TBC1D32: variants seen among roughly 807,000 people sequenced by gnomAD.
TBC1D32 encodes the protein protein broad-minded.
A neutral mutation model predicts 170.3 loss-of-function variants in TBC1D32; 151 were observed. That is an observed-to-expected ratio of 0.89 (90% CI 0.78 to 1.01). The LOEUF is 1.01. Ranked by LOEUF, TBC1D32 falls within the 50% of genes least tolerant of loss-of-function variation. The pLI is 0.00. For missense variants in TBC1D32, 1,464 were observed against 1,457.1 expected, an observed-to-expected ratio of 1.00 and a Z score of -0.08; for synonymous variants, 498 against 488.0, an observed-to-expected ratio of 1.02 and a Z score of -0.27.
intron 30 of TBC1D32, among the ~76,000 whole-genome samples, chr6:121,093,561 T>C (rs1488378670): frequency 2.0e-5 from 3 of 152,168 alleles, no homozygotes; most frequent in Admixed American, 1.3e-4. Context: ...CACTCAATTG[T>C]TAGTTTCAGG....
At chr6:121,086,326 T>C (rs928834985) in intron 31 of TBC1D32, among the ~76,000 whole-genome samples, 3 of 152,078 alleles carry the variant, frequency 2.0e-5, no homozygotes, top group African/African-American at 7.2e-5. Flanking sequence ...AATCAAGTAA[T>C]ATAAGGACAA....
At chr6:121,129,450 T>C (rs1301066306) in intron 25 of TBC1D32, among the ~76,000 whole-genome samples, 1 of 152,182 alleles carries the variant, frequency 6.6e-6, no homozygotes. Context: ...TCATTGTAAG[T>C]TGAAAAGCAT....
At chr6:121,128,874 A>G (rs1781133997) in intron 25 of TBC1D32, among the ~76,000 whole-genome samples, 1 of 152,162 alleles carries the variant, frequency 6.6e-6, no homozygotes, top group Non-Finnish European at 1.5e-5. Context: ...CCAAACAGAT[A>G]GTACTCAGAA....
At chr6:121,303,546 A>G in intron 9 of TBC1D32, 71 bp downstream of exon 9, 4 of 1,215,042 alleles carry the variant, frequency 3.3e-6, no homozygotes, top group Non-Finnish European at 4.4e-6. Flanking sequence ...CACAGTATTC[A>G]AACATTAACT....
rs969809229 is a variant in TBC1D32 at position 121,157,450 on chromosome 6, T to C, written c.2773+2560A>G. Among the ~76,000 whole-genome samples the C allele has an allele frequency of 4.6e-5, 7 of 152,188 alleles. No individual in the cohort carries two copies. The East Asian group carries it at 5.8e-4, about 13-fold the overall frequency. ...AGCAGACAGTTGGGTCTTATCTTTT[T>C]ATCCAGCTTGCCACTCTATGCTTTT... On this transcript the variant is annotated intron_variant, in intron 24 of 31. Transcript: ENST00000398212.
chr6:121,260,291 T>C (rs1184360148), intron 15 of TBC1D32, among the ~76,000 whole-genome samples: 2 of 151,428 alleles, frequency 1.3e-5, no homozygotes, highest in African/African-American at 4.9e-5. Flanking sequence ...AAAAAGAAAA[T>C]ATGACAGATT....
In TBC1D32 at chr6:121,299,327, C is replaced by T. The variant is rs368392539; in HGVS notation, c.1140+119G>A. 6.1e-5 allele frequency: 70 copies of T among 1,140,572 alleles called. 1 individual carries two copies. The highest frequency in any genetic ancestry group is 4.1e-4 in the South Asian group (27 of 66,050). 70.7% of individuals were successfully genotyped at this position (1,140,572 alleles called of 1,614,324 possible). A position where few individuals can be genotyped will look rare whatever the true frequency, so the allele number is the denominator to read the frequency against. ...TGGTAGTTTAAGATCACATAAAAGG[C>T]GAATTGCTTCATTATCCAATATTAA... On this transcript the variant is annotated intron_variant, in intron 10 of 31. Coordinates refer to ENST00000398212, the MANE Select transcript of TBC1D32 (RefSeq NM_152730.6).
At chr6:121,271,309 G>C (rs985022117) in intron 15 of TBC1D32, among the ~76,000 whole-genome samples, 15 of 152,156 alleles carry the variant, frequency 9.9e-5, no homozygotes, top group African/African-American at 3.6e-4. Context: ...ATTAGGAAAA[G>C]AGGAAGTCAA....
chr6:121,142,601 A>C (rs1782930775), intron 24 of TBC1D32, among the ~76,000 whole-genome samples: 1 of 152,216 alleles, frequency 6.6e-6, no homozygotes, highest in African/African-American at 2.4e-5. Context: ...GGAAATAAGA[A>C]CAACAAACAT....
chr6:121,183,533 T>C (rs1788803098), intron 22 of TBC1D32, among the ~76,000 whole-genome samples: 1 of 152,052 alleles, frequency 6.6e-6, no homozygotes, highest in South Asian at 2.1e-4. Flanking sequence ...TTTATCAACT[T>C]TCTCACTTCA....
intron 15 of TBC1D32, among the ~76,000 whole-genome samples, chr6:121,265,606 C>T (rs934255286): frequency 6.6e-6 from 1 of 151,494 alleles, no homozygotes; most frequent in Non-Finnish European, 1.5e-5. Context: ...AAAAAAAGAG[C>T]CCATATAGCC....
chr6:121,305,624 T>C (rs1485175691), intron 5 of TBC1D32, among the ~76,000 whole-genome samples: 1 of 152,082 alleles, frequency 6.6e-6, no homozygotes, highest in Non-Finnish European at 1.5e-5. Flanking sequence ...TATCTTCTAA[T>C]GGCCCCAAGA....
rs1160372863 is a variant in TBC1D32 at position 121,092,293 on chromosome 6, G to GTTTTTTTTTT, written c.3466-1262_3466-1253dup. Among the ~76,000 whole-genome samples the GTTTTTTTTTT allele has an allele frequency of 1.1e-3, 53 of 50,402 alleles. 7 individuals are homozygous for GTTTTTTTTTT. Among genetic ancestry groups the GTTTTTTTTTT allele is most frequent in the South Asian group, 2.0e-3 (2 of 988 alleles). The allele number at this position is 50,402 out of a possible 152,430, so 33.1% of individuals were successfully genotyped here. A position where few individuals can be genotyped will look rare whatever the true frequency, so the allele number is the denominator to read the frequency against. On this transcript the variant is annotated intron_variant, in intron 30 of 31. Coordinates refer to ENST00000398212, the MANE Select transcript of TBC1D32 (RefSeq NM_152730.6). ...AATATCTCTTCTCCTTCAGTTTTAT[G>GTTTTTTTTTT]TTTTTTTTTTTTTTTTTTTTTTTTT...
chr6:121,137,701 T>C (rs1782287244), intron 24 of TBC1D32, among the ~76,000 whole-genome samples: 1 of 151,880 alleles, frequency 6.6e-6, no homozygotes, highest in Admixed American at 6.6e-5. Context: ...AAAGAGTATA[T>C]TAAAAATGTA....
intron 20 of TBC1D32, among the ~76,000 whole-genome samples, chr6:121,228,759 T>C (rs1430426734): frequency 6.6e-6 from 1 of 152,128 alleles, no homozygotes; most frequent in Non-Finnish European, 1.5e-5. Context: ...ATCAAATGGT[T>C]AATAGTGGTA....
chr6:121,122,431 C>G (rs182655646), intron 26 of TBC1D32, among the ~76,000 whole-genome samples: 41 of 151,942 alleles, frequency 2.7e-4, no homozygotes, highest in Non-Finnish European at 5.4e-4. Context: ...TGACTTTTAA[C>G]ACCACCAATT....
At chr6:121,114,472 C>T (rs1437120777) in intron 27 of TBC1D32, among the ~76,000 whole-genome samples, 2 of 152,052 alleles carry the variant, frequency 1.3e-5, no homozygotes, top group African/African-American at 4.8e-5. Context: ...GGCACAACAT[C>T]ACAAAACATA....
At chr6:121,105,602 A>C (rs1484356058) in intron 30 of TBC1D32, among the ~76,000 whole-genome samples, 1 of 152,058 alleles carries the variant, frequency 6.6e-6, no homozygotes, top group Middle Eastern at 3.4e-3. Flanking sequence ...AAAAACATTA[A>C]GCCTTCCTAG....
rs375331890 is a variant in TBC1D32 at position 121,304,572 on chromosome 6, A to T, written c.823T>A (p.Ser275Thr). 92 of 1,612,266 alleles carry T rather than the reference A, an allele frequency of 5.7e-5. No individual in the cohort carries two copies. The highest frequency in any genetic ancestry group is 7.5e-5 in the Non-Finnish European group (89 of 1,179,060). The change falls in exon 7 of 32, where the codon TCA (serine) becomes ACA (threonine). Residue 275 changes from serine (S) to threonine (T), a missense_variant. By Grantham distance (58) the Ser-to-Thr change is moderately conservative (BLOSUM62 1). Coordinates refer to ENST00000398212, the MANE Select transcript of TBC1D32 (RefSeq NM_152730.6). Reference protein sequence around the residue: ...LSRENHIPTLSAGVDITNPNM... With the variant: ...LSRENHIPTLTAGVDITNPNM... ...GGATTAGTTATATCTACACCAGCTG[A>T]AAGAGTAGGAATATGATTTTCCCTA...
Sources: allele counts gnomAD v4.1 joint callset (sites outside exome capture counted in the v4.1 genomes callset), GRCh38; gene constraint gnomAD v4.1.1; transcripts MANE v1.5; gene names NCBI Gene and HGNC (gene_info 2026-07-23, HGNC 2026-07-21).